Variants in HTR1E observed in about 807,000 individuals in gnomAD.
HTR1E encodes the protein 5-hydroxytryptamine receptor 1E.
A neutral mutation model predicts 3.4 loss-of-function variants in HTR1E; 3 were observed. That is an observed-to-expected ratio of 0.89 (90% confidence interval 0.41 to 2.31). The LOEUF (loss-of-function observed/expected upper bound fraction) is 2.31. Ranked by LOEUF, HTR1E falls within the 30% of genes most tolerant of loss-of-function variation. The probability of loss-of-function intolerance (pLI) is 0.05; values close to 1 mark genes in which losing one functional copy is unlikely to be tolerated. For missense variants in HTR1E, 392 were observed against 467.0 expected, an observed-to-expected ratio of 0.84 and a Z score of 1.48; for synonymous variants, 170 against 182.8, an observed-to-expected ratio of 0.93 and a Z score of 0.56.
At chr6:86,966,984 A>G (rs112325912) in intron 1 of HTR1E, among the ~76,000 whole-genome samples, 65 of 152,302 alleles carry the variant, frequency 4.3e-4, no homozygotes, top group African/African-American at 1.4e-3. Flanking sequence ...TTTTCTAGAG[A>G]AACACAGAGC....
chr6:86,975,315 T>C (rs1224904944), intron 1 of HTR1E, among the ~76,000 whole-genome samples: 1 of 152,206 alleles, frequency 6.6e-6, no homozygotes, highest in Non-Finnish European at 1.5e-5. Flanking sequence ...TTAACATAGT[T>C]ACTTACTTAA....
intron 1 of HTR1E, among the ~76,000 whole-genome samples, chr6:86,953,775 C>T (rs1767281188): frequency 1.3e-5 from 2 of 152,122 alleles, no homozygotes; most frequent in South Asian, 4.1e-4. Context: ...AGAAAAGATG[C>T]TTGATTGACT....
rs762111780 is a variant in HTR1E at position 87,015,844 on chromosome 6, T to C, written c.510T>C (p.Pro170=). The C allele has an allele frequency of 1.7e-5, 28 of 1,613,568 alleles. No homozygotes were observed. The highest frequency in any genetic ancestry group is 2.1e-5 in the Non-Finnish European group (25 of 1,179,788). Residue 170 remains proline (P), a synonymous_variant, in exon 2 of 2, where the codon CCT becomes CCC. Coordinates refer to ENST00000305344, the MANE Select transcript of HTR1E (RefSeq NM_000865.3). ...GCCACCGCCGCCTAAGCCCTCCCCC[T>C]AGTCAGTGCACCATCCAGCACGACC... is the stretch of plus-strand genomic sequence containing the variant. ...WRSHRRLSPP[P]SQCTIQHDHV... is the part of the protein sequence containing the mutation.
At chr6:87,005,090 G>A (rs1324543263) in intron 1 of HTR1E, among the ~76,000 whole-genome samples, 1 of 151,938 alleles carries the variant, frequency 6.6e-6, no homozygotes, top group East Asian at 1.9e-4. Context: ...CATTGAAGAG[G>A]ACACAAAAAA....
At position 87,016,193 on chromosome 6, in the gene HTR1E, C is replaced by T. The variant is rs375047597; in HGVS notation, c.859C>T (p.Arg287Trp). 6 of 1,614,152 alleles carry T rather than the reference C, an allele frequency of 3.7e-6. No homozygotes were observed. The highest frequency in any genetic ancestry group is 1.6e-4 in the Middle Eastern group (1 of 6,062). Residue 287 changes from arginine to tryptophan, a missense_variant, in exon 2 of 2, where the codon CGG (arginine) becomes TGG (tryptophan). Coordinates refer to ENST00000305344, the MANE Select transcript of HTR1E (RefSeq NM_000865.3). ...TCAGCAGATCTCTAGCACCAGGGAA[C>T]GGAAGGCAGCACGCATCCTGGGGCT... is the stretch of plus-strand genomic sequence containing the variant. ...ERQQISSTRE[R>W]KAARILGLIL...
At position 87,015,751 on chromosome 6, in the gene HTR1E, C is replaced by A. The variant is rs146428063; in HGVS notation, c.417C>A (p.Ala139=). The change falls in exon 2 of 2, where the codon GCC becomes GCA. Residue 139 remains alanine, a synonymous_variant. Coordinates refer to ENST00000305344, the MANE Select transcript of HTR1E (RefSeq NM_000865.3). ...CCAGGAAGAGGACGGCCAAGAGGGCCGCGCTGATGATCCTTACCGTCTGGA... is the reference window on the plus strand; with the variant it reads ...CCAGGAAGAGGACGGCCAAGAGGGCAGCGCTGATGATCCTTACCGTCTGGA... ...EYARKRTAKR[A]ALMILTVWTI... The A allele has an allele frequency of 6.8e-6, 11 of 1,609,362 alleles. No individual in the cohort carries two copies. The highest frequency in any genetic ancestry group is 9.3e-6 in the Non-Finnish European group (11 of 1,177,302).
intron 1 of HTR1E, among the ~76,000 whole-genome samples, chr6:86,990,458 T>C (rs1342679428): frequency 2.0e-5 from 3 of 152,132 alleles, no homozygotes; most frequent in African/African-American, 4.8e-5. Flanking sequence ...TGCCAGTCTA[T>C]ACAGGACAAA....
chr6:86,955,236 C>T (rs550203739), intron 1 of HTR1E, among the ~76,000 whole-genome samples: 1 of 152,308 alleles, frequency 6.6e-6, no homozygotes, highest in South Asian at 2.1e-4. Context: ...TCAGGCAGGT[C>T]CACCTCCCTG....
intron 1 of HTR1E, among the ~76,000 whole-genome samples, chr6:87,001,935 GCCA>G (rs1340010750): frequency 3.3e-5 from 5 of 152,182 alleles, no homozygotes; most frequent in Admixed American, 2.0e-4. Context: ...GATATTCAAT[GCCA>G]ATGGAAACCA....
Position 87,015,953 on chromosome 6 carries a change from C to T in HTR1E, c.619C>T (p.His207Tyr), listed in dbSNP as rs1286143270. 2 of 1,614,102 alleles carry T rather than the reference C, an allele frequency of 1.2e-6. No homozygotes were observed. Among genetic ancestry groups the T allele is most frequent in the East Asian group, 2.2e-5 (1 of 44,882 alleles). ...ACTGATTCTCTATTACCGGATTTAC[C>T]ACGCGGCCAAGAGCCTTTACCAGAA... is the stretch of plus-strand genomic sequence containing the variant. ...LILILYYRIY[H>Y]AAKSLYQKRG... The change falls in exon 2 of 2, where the codon CAC becomes TAC. Residue 207 changes from histidine (H) to tyrosine (Y), a missense_variant. By Grantham distance (83) the His-to-Tyr change is moderately conservative. Around this residue, in one of 3 missense-constraint regions of HTR1E, gnomAD observed 178 missense variants for 164.9 expected, o/e 1.08. Coordinates refer to ENST00000305344, the MANE Select transcript of HTR1E (RefSeq NM_000865.3).
At chr6:87,011,219 C>A (rs1469646157) in intron 1 of HTR1E, among the ~76,000 whole-genome samples, 3 of 152,122 alleles carry the variant, frequency 2.0e-5, no homozygotes, top group African/African-American at 7.2e-5. Flanking sequence ...GAGTTGAGGG[C>A]AGTTTTCCTG....
At chr6:87,008,937 T>C (rs1482456819) in intron 1 of HTR1E, among the ~76,000 whole-genome samples, 3 of 152,226 alleles carry the variant, frequency 2.0e-5, no homozygotes, top group African/African-American at 7.2e-5. Context: ...ATGTTTAAGC[T>C]TCCTTGAAAG....
At chr6:86,997,110 A>T (rs1441661382) in intron 1 of HTR1E, among the ~76,000 whole-genome samples, 2 of 152,022 alleles carry the variant, frequency 1.3e-5, no homozygotes, top group Non-Finnish European at 2.9e-5. Flanking sequence ...ATATCAATCA[A>T]CACAGAAAAA....
chr6:86,985,922 A>T (rs1010575920), intron 1 of HTR1E, among the ~76,000 whole-genome samples: 1 of 152,180 alleles, frequency 6.6e-6, no homozygotes, highest in Non-Finnish European at 1.5e-5. Flanking sequence ...TCAAGATGGG[A>T]GGCATGCAGT....
chr6:86,959,870 G>T (rs1767381342), intron 1 of HTR1E, among the ~76,000 whole-genome samples: 1 of 152,150 alleles, frequency 6.6e-6, no homozygotes, highest in South Asian at 2.1e-4. Flanking sequence ...TAAAGCTGCA[G>T]GCAAAGATAA....
chr6:86,949,323 T>G (rs1767187705), intron 1 of HTR1E, among the ~76,000 whole-genome samples: 1 of 152,186 alleles, frequency 6.6e-6, no homozygotes, highest in Admixed American at 6.5e-5. Flanking sequence ...TAAAACAGTA[T>G]CTGGTATATT....
At chr6:86,940,463 A>G (rs1478207736) in intron 1 of HTR1E, among the ~76,000 whole-genome samples, 1 of 152,174 alleles carries the variant, frequency 6.6e-6, no homozygotes, top group African/African-American at 2.4e-5. Context: ...TTGAGCCCAG[A>G]AAGCCAAAGT....
intron 1 of HTR1E, among the ~76,000 whole-genome samples, chr6:86,942,271 T>C (rs1768556135): frequency 6.6e-6 from 1 of 152,222 alleles, no homozygotes; most frequent in South Asian, 2.1e-4. Context: ...TATCCTTATA[T>C]GATTTCTGAC....
At chr6:86,940,597 TG>T (rs1768532658) in intron 1 of HTR1E, among the ~76,000 whole-genome samples, 1 of 152,200 alleles carries the variant, frequency 6.6e-6, no homozygotes, top group Non-Finnish European at 1.5e-5. Context: ...CCTCAGGCCC[TG>T]AACTTTTGTG....
Sources: gnomAD v4.1 joint callset for allele counts (sites outside exome capture counted in the v4.1 genomes callset) on GRCh38, gnomAD v4.1.1 for gene constraint, gnomAD v4.1.1 regional missense constraint, MANE v1.5 for transcripts, NCBI Gene and HGNC (gene_info 2026-07-23, HGNC 2026-07-21) for gene names.